LACTB2: variants seen among roughly 807,000 people sequenced by gnomAD.
LACTB2 encodes lactamase beta 2.
In LACTB2, 32 loss-of-function variants were observed where a neutral mutation model predicts 34.8. The observed-to-expected ratio is 0.92, with a 90% confidence interval of 0.69 to 1.24. LACTB2 has a LOEUF of 1.24. Among genes scored for constraint, LACTB2 ranks in the 50% most tolerant of loss-of-function variants. The pLI, the probability that LACTB2 is intolerant of heterozygous loss-of-function variation, is 0.00. For missense variants in LACTB2, 320 were observed against 345.0 expected (o/e 0.93, Z 0.57); for synonymous variants, 120 against 117.5 (o/e 1.02, Z -0.14).
chr8:70,643,783 G>A (rs1240842309), intron 4 of LACTB2, among the ~76,000 whole-genome samples: 1 of 152,160 alleles, frequency 6.6e-6, no homozygotes, highest in Non-Finnish European at 1.5e-5. Context: ...AAAGTGCTGG[G>A]ATTACAGGTG....
rs1196581455 is a variant in LACTB2, at chr8:70,637,877, A to C, written c.850T>G (p.Trp284Gly). The C allele has an allele frequency of 6.4e-7, 1 of 1,558,504 alleles. No individual in the cohort carries two copies. The highest frequency in any genetic ancestry group is 8.7e-7 in the Non-Finnish European group (1 of 1,152,348). Residue 284 changes from tryptophan to glycine, a missense_variant, in exon 7 of 7, where the codon TGG becomes GGG. Trp to Gly is a radical substitution (Grantham distance 184). Transcript: ENST00000276590. Reference protein sequence around the residue: ...IFSNTDPDKKWKAHL With the variant: ...IFSNTDPDKKGKAHL ...ATCTGAAACTAAAGATGAGCTTTCCATTTCTTGTCAGGATCTGTGTTGCTA... is the reference window on the plus strand; with the variant it reads ...ATCTGAAACTAAAGATGAGCTTTCCCTTTCTTGTCAGGATCTGTGTTGCTA...
At chr8:70,665,278 G>C (rs1007624089) in intron 1 of LACTB2, among the ~76,000 whole-genome samples, 1 of 152,128 alleles carries the variant, frequency 6.6e-6, no homozygotes, top group African/African-American at 2.4e-5. Flanking sequence ...AATCTGTATA[G>C]GTCTATGAAC....
intron 3 of LACTB2, chr8:70,654,618 TGGCTATTTACA>T: frequency 6.6e-6 from 1 of 152,214 alleles, no homozygotes; most frequent in Middle Eastern, 3.3e-3. Context: ...TGGAGTACAG[TGGCTATTTACA>T]GGCTCCATCC....
At chr8:70,657,014 G>A (rs1818419501) in intron 3 of LACTB2, among the ~76,000 whole-genome samples, 3 of 152,254 alleles carry the variant, frequency 2.0e-5, no homozygotes, top group South Asian at 2.1e-4. Flanking sequence ...GAAAACAGGT[G>A]CAGATTGTGG....
chr8:70,637,971 C>A, intron 6 of LACTB2, 68 bp from the exon 7 acceptor site: 1 of 845,782 alleles, frequency 1.2e-6, no homozygotes, highest in Non-Finnish European at 1.8e-6. Context: ...TTTTAAGTTA[C>A]CTTGTGGCTA....
chr8:70,660,894 T>C, intron 2 of LACTB2: 1 of 456,170 alleles, frequency 2.2e-6, no homozygotes, highest in Non-Finnish European at 4.4e-6. Context: ...CTGCCCACCT[T>C]AGCCTCCCGA....
At chr8:70,665,161 A>C (rs1818521933) in intron 1 of LACTB2, among the ~76,000 whole-genome samples, 1 of 152,228 alleles carries the variant, frequency 6.6e-6, no homozygotes, top group African/African-American at 2.4e-5. Flanking sequence ...TACATGGGCT[A>C]GTTGACTTTG....
intron 1 of LACTB2, among the ~76,000 whole-genome samples, chr8:70,663,484 C>G (rs1326317268): frequency 2.6e-5 from 4 of 152,154 alleles, no homozygotes; most frequent in African/African-American, 9.7e-5. Flanking sequence ...TATCCGGAGA[C>G]AGGAGACCAG....
chr8:70,650,631 A>G lies in LACTB2; in HGVS notation c.414-6388T>C, dbSNP rs559358737. Among the ~76,000 whole-genome samples, 7 of 150,380 alleles carry G rather than the reference A, an allele frequency of 4.7e-5. No individual in the cohort carries two copies. In the South Asian group the frequency reaches 1.5e-3, roughly 32 times the overall value. The stretch of plus-strand genomic sequence containing the variant: ...TGTAATCTCAGCTACTCAGGAGTCT[A>G]AGGCAAGAGAATTGCTGGAACCCAG... On this transcript the variant is annotated intron_variant, in intron 3 of 6. Coordinates refer to ENST00000276590, the MANE Select transcript of LACTB2 (RefSeq NM_016027.3).
chr8:70,638,023 A>G (rs763699537), intron 6 of LACTB2, 120 bp from the exon 7 acceptor site: 6 of 514,450 alleles, frequency 1.2e-5, no homozygotes, highest in Non-Finnish European at 2.0e-5. Context: ...TGCTCAATAT[A>G]AAGTTGGGTA....
At chr8:70,663,996 A>C (rs775186536) in intron 1 of LACTB2, among the ~76,000 whole-genome samples, 1 of 152,170 alleles carries the variant, frequency 6.6e-6, no homozygotes, top group African/African-American at 2.4e-5. Context: ...AGTTATGCTA[A>C]ATTAAAATAC....
At chr8:70,657,428 A>ATTTTTTTTTTTTTTTTTTTTTTTTTTTT (rs777806428) in intron 3 of LACTB2, among the ~76,000 whole-genome samples, 1 of 115,822 alleles carries the variant, frequency 8.6e-6, no homozygotes, top group Non-Finnish European at 1.8e-5. Flanking sequence ...CAGATCTTCT[A>ATTTTTTTTTTTTTTTTTTTTTTTTTTTT]TTTTTTTTTT....
intron 1 of LACTB2, among the ~76,000 whole-genome samples, chr8:70,665,647 C>T (rs1052848623): frequency 1.3e-5 from 2 of 152,100 alleles, no homozygotes; most frequent in African/African-American, 4.8e-5. Flanking sequence ...CTTATAAAAT[C>T]CAATGAGGTA....
chr8:70,638,247 T>G (rs753355329), intron 6 of LACTB2, among the ~76,000 whole-genome samples: 3 of 152,206 alleles, frequency 2.0e-5, no homozygotes, highest in Non-Finnish European at 2.9e-5. Context: ...CATGTGAAAT[T>G]CTTCGTGGTT....
At chr8:70,645,622 T>G (rs1818254772) in intron 3 of LACTB2, among the ~76,000 whole-genome samples, 1 of 151,236 alleles carries the variant, frequency 6.6e-6, no homozygotes, top group Admixed American at 6.6e-5. Flanking sequence ...ATTAGGTATA[T>G]CTCCAAATGC....
At chr8:70,638,520 A>C in intron 6 of LACTB2, 28 bp downstream of exon 6, 1 of 1,521,306 alleles carries the variant, frequency 6.6e-7, no homozygotes, top group Non-Finnish European at 8.8e-7. Context: ...AATGCTGGTA[A>C]TAGAAGAAAA....
At chr8:70,648,723 C>T (rs2132073101) in intron 3 of LACTB2, among the ~76,000 whole-genome samples, 1 of 152,240 alleles carries the variant, frequency 6.6e-6, no homozygotes, top group Middle Eastern at 3.4e-3. Context: ...CTGAAAAAGC[C>T]TATCATGGAT....
intron 1 of LACTB2, among the ~76,000 whole-genome samples, chr8:70,668,659 C>T (rs893684163): frequency 6.6e-6 from 1 of 151,986 alleles, no homozygotes; most frequent in Admixed American, 6.6e-5. Flanking sequence ...CTTTCTTGGA[C>T]TCTTGACATC....
chr8:70,654,412 C>T (rs1051215360), intron 3 of LACTB2, among the ~76,000 whole-genome samples: 11 of 150,114 alleles, frequency 7.3e-5, no homozygotes, highest in African/African-American at 2.2e-4. Context: ...TTGTATGCAG[C>T]GAGAGTCATT....
Sources: gnomAD v4.1 joint callset for allele counts (sites outside exome capture counted in the v4.1 genomes callset) on GRCh38, gnomAD v4.1.1 for gene constraint, MANE v1.5 for transcripts, NCBI Gene and HGNC (gene_info 2026-07-23, HGNC 2026-07-21) for gene names.